DCST1: variants seen among roughly 807,000 people sequenced by gnomAD.
The protein encoded by DCST1 is E3 ubiquitin-protein ligase DCST1.
DCST1 carries 78 observed loss-of-function variants against 89.1 expected under a neutral mutation model. That is an observed-to-expected ratio of 0.88 (90% CI 0.73 to 1.06). The LOEUF is 1.06. DCST1 is among the 50% of genes least tolerant of loss of function. The probability of loss-of-function intolerance (pLI) is 0.00; values close to 1 mark genes in which losing one functional copy is unlikely to be tolerated. For missense variants in DCST1, 900 were observed against 928.6 expected, an observed-to-expected ratio of 0.97 and a Z score of 0.40; for synonymous variants, 364 against 371.9, an observed-to-expected ratio of 0.98 and a Z score of 0.24.
rs1384452445 is a variant in DCST1, at chr1:155,034,456, G to A, written c.83G>A (p.Trp28Ter). The part of the protein sequence containing the change: ...PHTTVQRLLT[W>*]GLPVSCSWFL... Reference sequence around the variant, plus strand: ...TTAGCGGTGCAGAGGCTCCTGACCTGGGGGCTGCCAGTCTCCTGTAGCTGG... The same window carrying A: ...TTAGCGGTGCAGAGGCTCCTGACCTAGGGGCTGCCAGTCTCCTGTAGCTGG... Residue 28 changes from tryptophan to a stop codon, truncating the protein, a stop_gained, in exon 3 of 17, where the codon TGG becomes TAG. Coordinates refer to ENST00000295542, the MANE Select transcript of DCST1 (RefSeq NM_152494.4). LOFTEE classifies it high-confidence loss of function. The A allele has an allele frequency of 3.1e-6, 5 of 1,614,008 alleles. No individual in the cohort carries two copies. The highest frequency in any genetic ancestry group is 4.2e-6 in the Non-Finnish European group (5 of 1,180,028).
At chr1:155,050,539 T>G in intron 16 of DCST1, 78 bp from the exon 17 acceptor site, 1 of 1,460,608 alleles carries the variant, frequency 6.8e-7, no homozygotes, top group Non-Finnish European at 9.0e-7. Flanking sequence ...CCTGGCGACT[T>G]CAGACAGGAA....
At chr1:155,041,151 G>C (rs898825680) in intron 6 of DCST1, among the ~76,000 whole-genome samples, 1 of 152,184 alleles carries the variant, frequency 6.6e-6, no homozygotes, top group Non-Finnish European at 1.5e-5. Flanking sequence ...CTGAGGAAGA[G>C]CTGAGAGTCT....
Position 155,034,547 on chromosome 1 carries a change from G to A in DCST1, c.174G>A (p.Gly58=), listed in dbSNP as rs1195942879. 4 of 1,613,742 alleles carry A rather than the reference G, an allele frequency of 2.5e-6. No homozygotes were observed. Among genetic ancestry groups the A allele is most frequent in the South Asian group, 2.2e-5 (2 of 91,084 alleles). The change falls in exon 3 of 17, where the codon GGG becomes GGA. Residue 58 remains glycine (G), a synonymous_variant. Transcript: ENST00000295542. The stretch of plus-strand genomic sequence containing the variant: ...TCCTGCTGGGGGCAGGCGCTGGGGG[G>A]CTCCTGGCCATAGGTGAGTGTGGAA... ...TALLLGAGAG[G]LLAIGLFQLL...
At chr1:155,034,404 G>C in intron 2 of DCST1, 31 bp from the exon 3 acceptor site, 1 of 1,613,696 alleles carries the variant, frequency 6.2e-7, no homozygotes. Flanking sequence ...GCAGAAGAGT[G>C]GGCTGTTGAG....
In DCST1 at chr1:155,041,400, A is replaced by G. The variant is rs772847757; in HGVS notation, c.535A>G (p.Ser179Gly). ...CTCCCTCCACCTCCAATCCCAGAGT[A>G]GCAAAGAATTGCTGAGAGCAGAGAC... ...LRAMFKDLLSSKELLRAETRN... is the reference protein window; with the variant it reads ...LRAMFKDLLSGKELLRAETRN... Residue 179 changes from serine to glycine, a missense_variant, in exon 7 of 17, where the codon AGC (serine) becomes GGC (glycine). Physicochemically the swap from Ser to Gly is moderately conservative, Grantham distance 56. Coordinates refer to ENST00000295542, the MANE Select transcript of DCST1 (RefSeq NM_152494.4). The G allele has an allele frequency of 5.6e-6, 9 of 1,613,552 alleles. No homozygotes were observed. Among genetic ancestry groups the G allele is most frequent in the Non-Finnish European group, 7.6e-6 (9 of 1,180,024 alleles).
chr1:155,045,797 G>A, intron 10 of DCST1, 96 bp from the exon 11 acceptor site: 2 of 1,008,340 alleles, frequency 2.0e-6, no homozygotes, highest in Non-Finnish European at 3.1e-6. Flanking sequence ...ATGCTGGCTG[G>A]TTGGTTGAAT....
At chr1:155,046,749 G>C in intron 13 of DCST1, among the ~76,000 whole-genome samples, 1 of 151,998 alleles carries the variant, frequency 6.6e-6, no homozygotes, top group East Asian at 1.9e-4. Context: ...GAGATTACAG[G>C]TGTGAGCCAC....
At chr1:155,045,682 TG>T (rs1358141688) in intron 10 of DCST1, 1 of 579,708 alleles carries the variant, frequency 1.7e-6, no homozygotes, top group African/African-American at 1.9e-5. Context: ...TCACCCATCA[TG>T]TAGGGGGATG....
At chr1:155,044,451 C>T (rs1380346607) in intron 10 of DCST1, among the ~76,000 whole-genome samples, 1 of 136,346 alleles carries the variant, frequency 7.3e-6, no homozygotes, top group Non-Finnish European at 1.5e-5. Context: ...TTCTGCATTC[C>T]AGCCTGGTGT....
At position 155,043,430 on chromosome 1, in the gene DCST1, C is replaced by T. The variant is rs185284311; in HGVS notation, c.1093C>T (p.Arg365Cys). 2.9e-4 allele frequency: 472 copies of T among 1,613,496 alleles called. 1 individual carries two copies. The highest frequency in any genetic ancestry group is 1.9e-4 in the Non-Finnish European group (220 of 1,179,778). The change falls in exon 10 of 17, where the codon CGC becomes TGC. Residue 365 changes from arginine (R) to cysteine (C), a missense_variant. Physicochemically the swap from Arg to Cys is radical, Grantham distance 180. Transcript: ENST00000295542. The stretch of plus-strand genomic sequence containing the variant: ...CACCGAGGTGCGGGACTACGTGTAC[C>T]GCCAGGAGGCCCGGCTGGAGTGGGC... Reference protein sequence around the residue: ...VSTEVRDYVYRQEARLEWALG... With the variant: ...VSTEVRDYVYCQEARLEWALG...
In DCST1 at chr1:155,040,611, T is replaced by C; in HGVS notation, c.518T>C (p.Phe173Ser). The part of the protein sequence containing the change: ...RISTAPLRAM[F>S]KDLLSSKELL... ...TCCACAGCCCCCTTACGGGCCATGT[T>C]CAAGGACCTGCTGGTCAGGAATCTG... Residue 173 changes from phenylalanine to serine, a missense_variant, in exon 6 of 17, where the codon TTC becomes TCC. Coordinates refer to ENST00000295542, the MANE Select transcript of DCST1 (RefSeq NM_152494.4). 1 of 1,578,080 alleles carries C rather than the reference T, an allele frequency of 6.3e-7. No individual in the cohort carries two copies.
Position 155,041,405 on chromosome 1 carries a change from A to C in DCST1, c.540A>C (p.Lys180Asn). ...TCCACCTCCAATCCCAGAGTAGCAA[A>C]GAATTGCTGAGAGCAGAGACTCGGA... is the stretch of plus-strand genomic sequence containing the variant. ...RAMFKDLLSS[K>N]ELLRAETRNI... The change falls in exon 7 of 17, where the codon AAA (lysine) becomes AAC (asparagine). Residue 180 changes from lysine (K) to asparagine (N), a missense_variant. Transcript: ENST00000295542. 1 of 1,613,674 alleles carries C rather than the reference A, an allele frequency of 6.2e-7. No individual in the cohort carries two copies. Among genetic ancestry groups the C allele is most frequent in the Non-Finnish European group, 8.5e-7 (1 of 1,180,014 alleles).
At chr1:155,048,599 C>T (rs1190896526) in intron 16 of DCST1, among the ~76,000 whole-genome samples, 1 of 152,196 alleles carries the variant, frequency 6.6e-6, no homozygotes, top group Non-Finnish European at 1.5e-5. Context: ...CAAGCCCAGC[C>T]AAGCCCGGTG....
chr1:155,048,737 A>C (rs930437149), intron 16 of DCST1, among the ~76,000 whole-genome samples: 12 of 149,168 alleles, frequency 8.0e-5, no homozygotes, highest in Non-Finnish European at 1.6e-4. Context: ...AGCAGGCAGA[A>C]AAGGAGAATG....
chr1:155,048,522 A>C (rs1341861454), intron 16 of DCST1, among the ~76,000 whole-genome samples: 2 of 151,818 alleles, frequency 1.3e-5, no homozygotes, highest in Non-Finnish European at 2.9e-5. Context: ...CTGGTCTCAA[A>C]CTCCTGACCT....
At chr1:155,038,251 C>T (rs901516246) in intron 4 of DCST1, among the ~76,000 whole-genome samples, 1 of 152,208 alleles carries the variant, frequency 6.6e-6, no homozygotes, top group Admixed American at 6.5e-5. Flanking sequence ...GGGTGAAGGG[C>T]TGCATAGCAT....
At chr1:155,050,075 C>A (rs952801456) in intron 16 of DCST1, among the ~76,000 whole-genome samples, 3 of 152,226 alleles carry the variant, frequency 2.0e-5, no homozygotes, top group African/African-American at 7.2e-5. Flanking sequence ...GCAGCAGGGC[C>A]TCTGGAGTTT....
intron 4 of DCST1, 145 bp downstream of exon 4, chr1:155,034,872 G>A (rs1660225434): frequency 2.4e-6 from 2 of 829,470 alleles, no homozygotes; most frequent in Non-Finnish European, 3.9e-6. Flanking sequence ...TTTACGGGGA[G>A]GTCCAGAGGG....
chr1:155,036,166 A>G (rs182903079), intron 4 of DCST1, among the ~76,000 whole-genome samples: 51 of 152,180 alleles, frequency 3.4e-4, no homozygotes, highest in Admixed American at 7.2e-4. Context: ...TTTGGTCAGA[A>G]CTGCGTGCAA....
Sources: allele counts gnomAD v4.1 joint callset (sites outside exome capture counted in the v4.1 genomes callset), GRCh38; gene constraint gnomAD v4.1.1; transcripts MANE v1.5; gene names NCBI Gene and HGNC (gene_info 2026-07-23, HGNC 2026-07-21).